RIMBP2: variants seen among roughly 807,000 people sequenced by gnomAD.
RIMBP2 encodes the protein RIMS-binding protein 2.
A neutral mutation model predicts 118.6 loss-of-function variants in RIMBP2; 48 were observed. The ratio of observed to expected loss-of-function variants is 0.40; its 90% confidence interval spans 0.32 to 0.51. RIMBP2 has a LOEUF of 0.51. Ranked by LOEUF, RIMBP2 falls within the 20% of genes least tolerant of loss-of-function variation. The probability of loss-of-function intolerance (pLI) is 0.41; values close to 1 mark genes in which losing one functional copy is unlikely to be tolerated. For synonymous variants in RIMBP2, 762 were observed against 742.9 expected, an observed-to-expected ratio of 1.03 and a Z score of -0.42; for missense variants, 1,551 against 1,768.3, an observed-to-expected ratio of 0.88 and a Z score of 2.20.
intron 2 of RIMBP2, among the ~76,000 whole-genome samples, chr12:130,538,641 G>A (rs1051378194): frequency 2.0e-5 from 3 of 152,178 alleles, no homozygotes; most frequent in African/African-American, 7.2e-5. Context: ...TAATAAGCAA[G>A]TATGTTTTCT....
At chr12:130,615,499 C>A (rs997765702) in intron 2 of RIMBP2, among the ~76,000 whole-genome samples, 1 of 151,582 alleles carries the variant, frequency 6.6e-6, no homozygotes, top group East Asian at 1.9e-4. Flanking sequence ...TCAGTAGAGA[C>A]GGGTTTTCAC....
intron 1 of RIMBP2, among the ~76,000 whole-genome samples, chr12:130,714,722 C>G (rs959834219): frequency 5.3e-5 from 8 of 152,336 alleles, no homozygotes; most frequent in Middle Eastern, 6.8e-3. Context: ...GGGGTGCCCG[C>G]CGGCCTTCCC....
rs536667933 is a variant in RIMBP2 at position 130,577,669 on chromosome 12, C to T, written c.-217+50653G>A. Among the ~76,000 whole-genome samples the T allele has an allele frequency of 2.4e-3, 371 of 152,238 alleles. 2 individuals carry two copies. Among genetic ancestry groups the T allele is most frequent in the African/African-American group, 8.6e-3 (359 of 41,538 alleles). On this transcript the variant is annotated intron_variant, in intron 2 of 22. Transcript: ENST00000690449. ...ATTCAAGATGAGATTTAGGCAGGGA[C>T]ACAAAGCTAAACTATATCAGCCACG...
intron 21 of RIMBP2, among the ~76,000 whole-genome samples, chr12:130,405,891 T>A (rs2075126666): frequency 6.6e-6 from 1 of 152,182 alleles, no homozygotes; most frequent in East Asian, 1.9e-4. Flanking sequence ...GGCAGCAATT[T>A]AAAAAATAAG....
In RIMBP2 at chr12:130,399,591, A is replaced by AGAT. The variant is rs1057308203; in HGVS notation, c.3900+85_3900+87dup. ...GGGTGTATTTACGCTTTTCGGCCCA[A>AGAT]GATATAAAAATATCAGTGCAAAGAT... On this transcript the variant is annotated intron_variant, in intron 22 of 22. Coordinates refer to ENST00000690449, the MANE Select transcript of RIMBP2 (RefSeq NM_001393629.1). 115 of 1,473,526 alleles carry AGAT rather than the reference A, an allele frequency of 7.8e-5. No homozygotes were observed. In the African/African-American group the frequency reaches 1.5e-3, roughly 20 times the overall value. 91.3% of individuals were successfully genotyped at this position (1,473,526 alleles called of 1,614,324 possible).
chr12:130,601,357 A>AAAAAAAAC (rs2059873264), intron 2 of RIMBP2, among the ~76,000 whole-genome samples: 1 of 146,744 alleles, frequency 6.8e-6, no homozygotes, highest in African/African-American at 2.6e-5. Context: ...AAAAAAAAAA[A>AAAAAAAAC]AAAGCAAACC....
At chr12:130,650,520 C>A (rs899459368) in intron 1 of RIMBP2, among the ~76,000 whole-genome samples, 1 of 152,252 alleles carries the variant, frequency 6.6e-6, no homozygotes, top group Non-Finnish European at 1.5e-5. Flanking sequence ...GTCACAGGGG[C>A]CTGCCCACCT....
At chr12:130,605,576 A>C (rs1316241671) in intron 2 of RIMBP2, among the ~76,000 whole-genome samples, 1 of 152,222 alleles carries the variant, frequency 6.6e-6, no homozygotes. Context: ...TTTATTTTTA[A>C]TGATGCATGA....
intron 1 of RIMBP2, among the ~76,000 whole-genome samples, chr12:130,632,490 C>T (rs1053384986): frequency 3.9e-5 from 6 of 152,098 alleles, no homozygotes; most frequent in African/African-American, 1.4e-4. Flanking sequence ...GCCCTCCGTA[C>T]AGAACAAGTA....
intron 2 of RIMBP2, among the ~76,000 whole-genome samples, chr12:130,544,702 T>G (rs1337721523): frequency 1.4e-5 from 2 of 144,386 alleles, no homozygotes; most frequent in Non-Finnish European, 3.0e-5. Context: ...CAGGTTGAAG[T>G]GATTCTCCTG....
chr12:130,523,258 T>C lies in RIMBP2; in HGVS notation c.-216-5341A>G, dbSNP rs1183996632. ...CTGTCCCCTACCCACTACCTGGCCG[T>C]GTGAGGACACAGTGAGAAAACAGCC... On this transcript the variant is annotated intron_variant, in intron 2 of 22. Transcript: ENST00000690449. This position sits in a 1 kb window ranked among gnomAD's most constrained non-coding sequence, Gnocchi z 4.4. Among the ~76,000 whole-genome samples the C allele has an allele frequency of 6.6e-6, 1 of 152,158 alleles. No individual in the cohort carries two copies. The highest frequency in any genetic ancestry group is 1.5e-5 in the Non-Finnish European group (1 of 68,032).
chr12:130,641,283 C>T (rs532922483), intron 1 of RIMBP2, among the ~76,000 whole-genome samples: 1 of 152,096 alleles, frequency 6.6e-6, no homozygotes, highest in Non-Finnish European at 1.5e-5. Context: ...CTGCAGGAAG[C>T]CTTCATCTCA....
chr12:130,498,381 T>C (rs919643373), intron 4 of RIMBP2, among the ~76,000 whole-genome samples: 2 of 152,240 alleles, frequency 1.3e-5, no homozygotes, highest in Non-Finnish European at 2.9e-5. Context: ...GTCTACTATA[T>C]GCCAGATTTT....
chr12:130,459,051 A>AAAAAAAC (rs1294179716), intron 6 of RIMBP2, among the ~76,000 whole-genome samples: 35,405 of 73,892 alleles, frequency 0.48, 5,232 homozygotes, highest in Non-Finnish European at 0.58. Context: ...TCTCAAAAAA[A>AAAAAAAC]AAAAAAAACA....
rs150484856 is a variant in RIMBP2 at position 130,578,951 on chromosome 12, T to TA, written c.-217+49370dup. On this transcript the variant is annotated intron_variant, in intron 2 of 22. Coordinates refer to ENST00000690449, the MANE Select transcript of RIMBP2 (RefSeq NM_001393629.1). The surrounding 1 kb of genome is among the most constrained non-coding windows in gnomAD (Gnocchi z 4.1). ...TATGTAAATACAAATCAAGTGGGAT[T>TA]AAAAAAAGATGAGAAGTTGTCTCAC... 3.9e-5 allele frequency among the ~76,000 whole-genome samples: 6 copies of TA among 152,158 alleles called. No individual in the cohort carries two copies. Among genetic ancestry groups the TA allele is most frequent in the African/African-American group, 1.4e-4 (6 of 41,420 alleles).
In RIMBP2 at chr12:130,434,676, G is replaced by A. The variant is rs1455557921; in HGVS notation, c.2253+58C>T. Reference sequence around the variant, plus strand: ...TGCCCATGTCTCTTGATCTCCACGGGGCCCGCTCCGAGCCCGCGCCCACCA... The same window carrying A: ...TGCCCATGTCTCTTGATCTCCACGGAGCCCGCTCCGAGCCCGCGCCCACCA... On this transcript the variant is annotated intron_variant, in intron 14 of 22. Coordinates refer to ENST00000690449, the MANE Select transcript of RIMBP2 (RefSeq NM_001393629.1). The surrounding 1 kb of genome is among the most constrained non-coding windows in gnomAD (Gnocchi z 5.7). 1.3e-6 allele frequency: 2 copies of A among 1,558,530 alleles called. No homozygotes were observed. The highest frequency in any genetic ancestry group is 1.7e-6 in the Non-Finnish European group (2 of 1,155,206).
At chr12:130,599,549 C>T (rs551141194) in intron 2 of RIMBP2, among the ~76,000 whole-genome samples, 1 of 152,178 alleles carries the variant, frequency 6.6e-6, no homozygotes, top group East Asian at 1.9e-4. Flanking sequence ...AAATAAAACT[C>T]AAAATATCAT....
At chr12:130,600,974 A>T (rs551520986) in intron 2 of RIMBP2, among the ~76,000 whole-genome samples, 7 of 152,200 alleles carry the variant, frequency 4.6e-5, no homozygotes, top group South Asian at 2.1e-4. Context: ...CCACACCTCT[A>T]TAAGTTGTCC....
At chr12:130,573,710 T>C (rs116423114) in intron 2 of RIMBP2, among the ~76,000 whole-genome samples, 169 of 150,696 alleles carry the variant, frequency 1.1e-3, no homozygotes, top group African/African-American at 4.0e-3. Flanking sequence ...GGTGCAGGAG[T>C]GGGGCAGGAG....
Sources: gnomAD v4.1 joint callset for allele counts (sites outside exome capture counted in the v4.1 genomes callset) on GRCh38, gnomAD v4.1.1 for gene constraint, Gnocchi (gnomAD v3.1) non-coding constraint, MANE v1.5 for transcripts, NCBI Gene and HGNC (gene_info 2026-07-23, HGNC 2026-07-21) for gene names.